MYT1L: variants seen among roughly 807,000 people sequenced by gnomAD.
MYT1L encodes myelin transcription factor 1-like protein.
Under a neutral mutation model 126.7 loss-of-function variants are expected in MYT1L, and 12 were observed. The observed-to-expected ratio is 0.09, with a 90% CI of 0.06 to 0.15. The LOEUF is 0.15. Among genes scored for constraint, MYT1L ranks in the 10% least tolerant of loss-of-function variants. The pLI, the probability that MYT1L is intolerant of heterozygous loss-of-function variation, is 1.00. For missense variants in MYT1L, 979 were observed against 1,585.2 expected, an observed-to-expected ratio of 0.62 and a Z score of 6.49; for synonymous variants, 541 against 604.2, an observed-to-expected ratio of 0.90 and a Z score of 1.53.
At chr2:2,175,021 T>C (rs924143223) in intron 2 of MYT1L, among the ~76,000 whole-genome samples, 1 of 152,092 alleles carries the variant, frequency 6.6e-6, no homozygotes, top group Non-Finnish European at 1.5e-5. Context: ...GTGCTCTCCT[T>C]GTGAGGCTCA....
chr2:2,297,363 G>A (rs1024424073), intron 1 of MYT1L, among the ~76,000 whole-genome samples: 1 of 152,216 alleles, frequency 6.6e-6, no homozygotes, highest in Non-Finnish European at 1.5e-5. Flanking sequence ...CGTGTGTGGG[G>A]TGGATGGGAC....
intron 1 of MYT1L, among the ~76,000 whole-genome samples, chr2:2,328,358 G>A (rs1013477192): frequency 2.0e-5 from 3 of 152,104 alleles, no homozygotes; most frequent in African/African-American, 7.2e-5. Context: ...AAACATAACA[G>A]GGACAGTGAA....
chr2:2,318,862 C>T (rs1007428368), intron 1 of MYT1L, among the ~76,000 whole-genome samples: 14 of 152,116 alleles, frequency 9.2e-5, no homozygotes, highest in African/African-American at 3.4e-4. Context: ...TTTTTGATGC[C>T]TGAGCTACTT....
intron 1 of MYT1L, among the ~76,000 whole-genome samples, chr2:2,328,267 A>C (rs937879870): frequency 6.6e-6 from 1 of 152,250 alleles, no homozygotes; most frequent in African/African-American, 2.4e-5. Flanking sequence ...AGACAGTGAA[A>C]TAATTGGGTA....
intron 21 of MYT1L, among the ~76,000 whole-genome samples, chr2:1,821,832 A>G (rs535786169): frequency 6.6e-6 from 1 of 152,190 alleles, no homozygotes; most frequent in Non-Finnish European, 1.5e-5. Flanking sequence ...GGGCCTGTCC[A>G]TCTCACTTGA....
At chr2:2,042,041 C>G (rs1240281714) in intron 4 of MYT1L, among the ~76,000 whole-genome samples, 1 of 152,184 alleles carries the variant, frequency 6.6e-6, no homozygotes, top group African/African-American at 2.4e-5. Flanking sequence ...AGAGTGTCTC[C>G]TGCTTCTTGT....
chr2:2,194,151 C>A (rs2092705190), intron 2 of MYT1L, among the ~76,000 whole-genome samples: 1 of 152,008 alleles, frequency 6.6e-6, no homozygotes, highest in South Asian at 2.1e-4. Flanking sequence ...GTGGTCATGG[C>A]TCGCTGCAGC....
chr2:1,845,585 C>T (rs1272365402), intron 19 of MYT1L, among the ~76,000 whole-genome samples: 2 of 152,220 alleles, frequency 1.3e-5, no homozygotes, highest in African/African-American at 4.8e-5. Flanking sequence ...GGCCCCATTG[C>T]TGCTCTCCTC....
chr2:1,975,293 A>G (rs2060085667), intron 8 of MYT1L, among the ~76,000 whole-genome samples: 3 of 92,700 alleles, frequency 3.2e-5, no homozygotes, highest in African/African-American at 2.1e-4. Flanking sequence ...GACCCACAGC[A>G]GATCCCGCAG....
intron 8 of MYT1L, among the ~76,000 whole-genome samples, chr2:1,976,670 C>A (rs774568738): frequency 6.6e-6 from 1 of 152,056 alleles, no homozygotes; most frequent in Non-Finnish European, 1.5e-5. Flanking sequence ...GCAGATATAA[C>A]GGAAAATTTC....
chr2:1,850,227 CCTTCCTTCCTTCCTTCCTTCCTTCCCT>C lies in MYT1L; in HGVS notation c.2774+1387_2774+1413del, dbSNP rs1465383631. On this transcript the variant is annotated intron_variant, in intron 19 of 24. Transcript: ENST00000647738. ...TCCTTCCTTCCTTCCTTCCTTCCTT[CCTTCCTTCCTTCCTTCCTTCCTTCCCT>C]GTCTTTTCTCTCTTTCTTTTTTATT... 6.9e-4 allele frequency among the ~76,000 whole-genome samples: 42 copies of C among 60,470 alleles called. 2 individuals are homozygous for C. In the South Asian group the frequency reaches 0.024, roughly 34 times the overall value. 39.7% of individuals were successfully genotyped at this position (60,470 alleles called of 152,430 possible).
At chr2:2,185,014 T>G (rs1197365952) in intron 2 of MYT1L, among the ~76,000 whole-genome samples, 2 of 152,226 alleles carry the variant, frequency 1.3e-5, no homozygotes, top group East Asian at 3.9e-4. Context: ...TTGCGTCTAC[T>G]TTAGAAGGCT....
intron 2 of MYT1L, among the ~76,000 whole-genome samples, chr2:2,211,650 C>G (rs949567534): frequency 6.6e-6 from 1 of 151,610 alleles, no homozygotes; most frequent in African/African-American, 2.4e-5. Context: ...ACTAAAAATA[C>G]AAAAATTAGC....
At chr2:1,960,013 A>G (rs1232159779) in intron 8 of MYT1L, among the ~76,000 whole-genome samples, 2 of 152,102 alleles carry the variant, frequency 1.3e-5, no homozygotes, top group Admixed American at 6.6e-5. Flanking sequence ...AGGTAGTAAC[A>G]TTTTCCAGGA....
chr2:2,298,787 C>T (rs1248858337), intron 1 of MYT1L, among the ~76,000 whole-genome samples: 3 of 152,178 alleles, frequency 2.0e-5, no homozygotes, highest in African/African-American at 2.4e-5. Context: ...AGCTGCCACA[C>T]GTCCCGCAGT....
rs555880778 is a variant in MYT1L, at chr2:2,301,150, G to A, written c.-520-16647C>T. 2.6e-5 allele frequency among the ~76,000 whole-genome samples: 4 copies of A among 152,186 alleles called. No individual in the cohort carries two copies. In the East Asian group the frequency reaches 5.8e-4, roughly 22 times the overall value. ...TCTGTAAACCCAGACCTTTCGCTCC[G>A]TGCCAGCCTTGCACTTTTCTCTTCG... On this transcript the variant is annotated intron_variant, in intron 1 of 24. Coordinates refer to ENST00000647738, the MANE Select transcript of MYT1L (RefSeq NM_001303052.2).
intron 2 of MYT1L, among the ~76,000 whole-genome samples, chr2:2,201,481 C>T (rs1003537236): frequency 8.5e-5 from 13 of 152,084 alleles, no homozygotes; most frequent in Non-Finnish European, 1.6e-4. Flanking sequence ...AGGCGGATCA[C>T]GAGGTCAAGA....
At chr2:1,861,138 G>T (rs577271283) in intron 18 of MYT1L, among the ~76,000 whole-genome samples, 102 of 152,316 alleles carry the variant, frequency 6.7e-4, no homozygotes, top group African/African-American at 2.3e-3. Flanking sequence ...GAGCCATTCT[G>T]TGGGGTCAGA....
intron 2 of MYT1L, among the ~76,000 whole-genome samples, chr2:2,265,294 C>T (rs1330851014): frequency 6.6e-6 from 1 of 151,764 alleles, no homozygotes; most frequent in African/African-American, 2.4e-5. Context: ...AGGCTTGAGC[C>T]ACCGCGCCTG....
Sources: gnomAD v4.1 joint callset for allele counts (sites outside exome capture counted in the v4.1 genomes callset) on GRCh38, gnomAD v4.1.1 for gene constraint, MANE v1.5 for transcripts, NCBI Gene and HGNC (gene_info 2026-07-23, HGNC 2026-07-21) for gene names.